The following KIFBP variants were observed in gnomAD, a reference collection of about 807,000 sequenced individuals.
KIFBP encodes the protein kinesin family binding protein.
KIFBP carries 46 observed loss-of-function variants against 58.9 expected under a neutral mutation model. The observed-to-expected ratio is 0.78, with a 90% CI of 0.62 to 1.00. The LOEUF (loss-of-function observed/expected upper bound fraction) is 1.00, where lower values mean the gene tolerates loss of function less well. KIFBP is among the 50% of genes least tolerant of loss of function. KIFBP has a pLI of 0.00. For missense variants in KIFBP, 651 were observed against 752.9 expected (o/e 0.86, Z 1.58); for synonymous variants, 241 against 283.4 (o/e 0.85, Z 1.50).
At chr10:69,002,848 C>T (rs753085212) in intron 2 of KIFBP, among the ~76,000 whole-genome samples, 18 of 151,880 alleles carry the variant, frequency 1.2e-4, no homozygotes, top group African/African-American at 1.7e-4. Flanking sequence ...CAGCAGTGAG[C>T]GAGGATCCTG....
chr10:68,998,771 A>ATATT (rs1357079794), intron 1 of KIFBP, among the ~76,000 whole-genome samples: 8 of 99,862 alleles, frequency 8.0e-5, no homozygotes, highest in South Asian at 3.8e-4. Flanking sequence ...ATATATATAT[A>ATATT]TTTTTTTTTT....
intron 4 of KIFBP, among the ~76,000 whole-genome samples, chr10:69,008,391 A>AAATATATATAT: frequency 1.5e-3 from 106 of 71,576 alleles, no homozygotes; most frequent in Non-Finnish European, 1.7e-3. Flanking sequence ...AAAAAAAAAA[A>AAATATATATAT]ATATATATAT....
At chr10:69,014,713 T>G in intron 6 of KIFBP, among the ~76,000 whole-genome samples, 1 of 134,078 alleles carries the variant, frequency 7.5e-6, no homozygotes, top group Non-Finnish European at 1.6e-5. Flanking sequence ...TCTTTTTTTA[T>G]TTGCCCCCCC....
At chr10:69,013,947 T>C (rs756087428) in intron 6 of KIFBP, among the ~76,000 whole-genome samples, 4 of 152,116 alleles carry the variant, frequency 2.6e-5, no homozygotes, top group Non-Finnish European at 4.4e-5. Flanking sequence ...GACGATGTTT[T>C]ACCATGTTGC....
chr10:69,013,233 A>C (rs1263648616), intron 6 of KIFBP, among the ~76,000 whole-genome samples: 1 of 152,208 alleles, frequency 6.6e-6, no homozygotes, highest in Non-Finnish European at 1.5e-5. Flanking sequence ...ATCAGTGGTA[A>C]ATAATATAGA....
rs768592975 is a variant in KIFBP, at chr10:68,989,154, A to G, written c.322A>G (p.Thr108Ala). 3.4e-5 allele frequency: 55 copies of G among 1,613,294 alleles called. No individual in the cohort carries two copies. Among genetic ancestry groups the G allele is most frequent in the Non-Finnish European group, 3.8e-5 (45 of 1,179,624 alleles). Residue 108 changes from threonine (T) to alanine (A), a missense_variant, in exon 1 of 7, where the codon ACG (threonine) becomes GCG (alanine). Physicochemically the swap from Thr to Ala is moderately conservative, Grantham distance 58. Coordinates refer to ENST00000361983, the MANE Select transcript of KIFBP (RefSeq NM_015634.4). ...CCACCTCGGGGTGAACCACATCGAC[A>G]CGGAGGAGCTGTCGGCGGGGGAGGA... ...EFHLGVNHID[T>A]EELSAGEEHL... is the part of the protein sequence containing the mutation.
chr10:68,989,263 G>C lies in KIFBP; in HGVS notation c.426+5G>C. On this transcript the variant is annotated splice_donor_5th_base_variant and intron_variant, in intron 1 of 6. Coordinates refer to ENST00000361983, the MANE Select transcript of KIFBP (RefSeq NM_015634.4). Reference sequence around the variant, plus strand: ...TCTCTCTGCATCCAGGCGCAGGTGAGAGCGAGCCCGGCCAGGCCGGCCCCT... The same window carrying C: ...TCTCTCTGCATCCAGGCGCAGGTGACAGCGAGCCCGGCCAGGCCGGCCCCT... 5 of 1,612,352 alleles carry C rather than the reference G, an allele frequency of 3.1e-6. No individual in the cohort carries two copies. The highest frequency in any genetic ancestry group is 4.2e-6 in the Non-Finnish European group (5 of 1,179,754).
chr10:69,008,391 A>AAAAAATATATATATATATAT, intron 4 of KIFBP, among the ~76,000 whole-genome samples: 3 of 71,610 alleles, frequency 4.2e-5, no homozygotes, highest in African/African-American at 2.3e-4. Flanking sequence ...AAAAAAAAAA[A>AAAAAATATATATATATATAT]ATATATATAT....
At chr10:68,992,587 G>A (rs1843361857) in intron 1 of KIFBP, among the ~76,000 whole-genome samples, 2 of 152,198 alleles carry the variant, frequency 1.3e-5, no homozygotes, top group South Asian at 4.2e-4. Flanking sequence ...AAATATCCTG[G>A]GTTAGCGTAG....
rs566731557 is a variant in KIFBP at position 68,998,506 on chromosome 10, G to A, written c.427-1918G>A. The stretch of plus-strand genomic sequence containing the variant: ...TGAAAAGAAATGCTGTATTTTAATA[G>A]GAGATTGGTGAAAAGAAATTTGTAT... On this transcript the variant is annotated intron_variant, in intron 1 of 6. Transcript: ENST00000361983. 2.3e-3 allele frequency among the ~76,000 whole-genome samples: 341 copies of A among 151,488 alleles called. 1 individual carries two copies. Among genetic ancestry groups the A allele is most frequent in the South Asian group, 0.012 (59 of 4,810 alleles).
chr10:68,993,054 A>G (rs937551864), intron 1 of KIFBP, among the ~76,000 whole-genome samples: 3 of 152,082 alleles, frequency 2.0e-5, no homozygotes, highest in East Asian at 1.9e-4. Flanking sequence ...AATTGCTGTT[A>G]AGAAATACAG....
chr10:68,999,510 C>G (rs1443134333), intron 1 of KIFBP, among the ~76,000 whole-genome samples: 1 of 151,986 alleles, frequency 6.6e-6, no homozygotes, highest in Non-Finnish European at 1.5e-5. Flanking sequence ...CATGGCTTAG[C>G]TGATTGTTCC....
At chr10:68,999,729 T>A (rs1843443929) in intron 1 of KIFBP, 1 of 153,340 alleles carries the variant, frequency 6.5e-6, no homozygotes, top group South Asian at 2.1e-4. Flanking sequence ...GCTCACAACA[T>A]GGCAGTTGGC....
intron 2 of KIFBP, among the ~76,000 whole-genome samples, chr10:69,002,757 G>A (rs1125054): frequency 0.063 from 9,501 of 151,774 alleles, 333 homozygotes; most frequent in Middle Eastern, 0.11. Flanking sequence ...GTGTGGTGGC[G>A]TGTGCTTGTG....
intron 1 of KIFBP, among the ~76,000 whole-genome samples, chr10:68,996,222 A>G (rs1843405678): frequency 6.6e-6 from 1 of 152,096 alleles, no homozygotes; most frequent in South Asian, 2.1e-4. Context: ...TGTGGAGTCA[A>G]GCTTTAAAAA....
chr10:69,006,790 C>T (rs1167036518), intron 4 of KIFBP: 3 of 152,100 alleles, frequency 2.0e-5, no homozygotes, highest in Non-Finnish European at 4.4e-5. Context: ...TTGAGCATTT[C>T]GTTAGCGTTG....
In KIFBP at chr10:69,008,391, A is replaced by AATATAT. The variant is rs1173764355; in HGVS notation, c.790-427_790-422dup. Among the ~76,000 whole-genome samples the AATATAT allele has an allele frequency of 8.7e-3, 619 of 71,526 alleles. 13 individuals are homozygous for AATATAT. The highest frequency in any genetic ancestry group is 0.012 in the Admixed American group (66 of 5,524). The allele number at this position is 71,526 out of a possible 152,430, so 46.9% of individuals were successfully genotyped here. A position where few individuals can be genotyped will look rare whatever the true frequency, so the allele number is the denominator to read the frequency against. On this transcript the variant is annotated intron_variant, in intron 4 of 6. Coordinates refer to ENST00000361983, the MANE Select transcript of KIFBP (RefSeq NM_015634.4). ...CCCCTGTCTCGTAAAAAAAAAAAAA[A>AATATAT]ATATATATATATATATATATATATA...
Position 69,008,376 on chromosome 10 carries a change from G to A in KIFBP, c.790-465G>A, listed in dbSNP as rs189041760. ...TGGGCCAGAGTGAGACCCCTGTCTC[G>A]TAAAAAAAAAAAAAAATATATATAT... is the stretch of plus-strand genomic sequence containing the variant. On this transcript the variant is annotated intron_variant, in intron 4 of 6. Transcript: ENST00000361983. Among the ~76,000 whole-genome samples the A allele has an allele frequency of 3.6e-3, 85 of 23,556 alleles. 1 individual carries two copies. Among genetic ancestry groups the A allele is most frequent in the African/African-American group, 0.033 (79 of 2,426 alleles). 15.5% of individuals were successfully genotyped at this position (23,556 alleles called of 152,430 possible). A position where few individuals can be genotyped will look rare whatever the true frequency, so the allele number is the denominator to read the frequency against.
At position 69,006,064 on chromosome 10, in the gene KIFBP, C is replaced by T. The variant is rs1025381400; in HGVS notation, c.789+149C>T. ...AGCCGAAAATGCAGCCCAGTTTGCC[C>T]GTGTACTAAAATTTTGTAGCTTTTT... On this transcript the variant is annotated intron_variant, in intron 4 of 6. Transcript: ENST00000361983. The T allele has an allele frequency of 3.9e-5, 27 of 687,884 alleles. No homozygotes were observed. The Middle Eastern group carries it at 2.9e-3, about 73-fold the overall frequency. 42.6% of individuals were successfully genotyped at this position (687,884 alleles called of 1,614,324 possible).
Sources: gnomAD v4.1 joint callset for allele counts (sites outside exome capture counted in the v4.1 genomes callset) on GRCh38, gnomAD v4.1.1 for gene constraint, MANE v1.5 for transcripts, NCBI Gene and HGNC (gene_info 2026-07-23, HGNC 2026-07-21) for gene names.